Variants in SHANK1 observed in about 807,000 individuals in gnomAD.
The protein encoded by SHANK1 is SH3 and multiple ankyrin repeat domains 1, also known as SH3 and multiple ankyrin repeat domains protein 1.
Under a neutral mutation model 165.6 loss-of-function variants are expected in SHANK1, and 35 were observed. The observed-to-expected ratio is 0.21, with a 90% CI of 0.16 to 0.28. The LOEUF is 0.28. Among genes scored for constraint, SHANK1 ranks in the 10% least tolerant of loss-of-function variants. The pLI is 1.00. For missense variants in SHANK1, 2,681 were observed against 3,036.4 expected, an observed-to-expected ratio of 0.88 and a Z score of 2.75; for synonymous variants, 1,428 against 1,384.8, an observed-to-expected ratio of 1.03 and a Z score of -0.69.
intron 8 of SHANK1, among the ~76,000 whole-genome samples, chr19:50,709,668 G>C (rs1337153677): frequency 6.6e-6 from 1 of 152,102 alleles, no homozygotes; most frequent in East Asian, 1.9e-4. Context: ...TTCTGCCTCA[G>C]CTGCCCGAGC....
rs1255714049 is a variant in SHANK1, at chr19:50,719,623, C to G, written c.-261G>C. 6.7e-6 allele frequency among the ~76,000 whole-genome samples: 1 copy of G among 148,582 alleles called. No individual in the cohort carries two copies. The highest frequency in any genetic ancestry group is 2.5e-5 in the African/African-American group (1 of 40,670). ...GGGCCGGGCCTGGCCATCCGCAGAGCGCCCCCCCTTCCGCCGCGGCCGCCG... is the reference window on the plus strand; with the variant it reads ...GGGCCGGGCCTGGCCATCCGCAGAGGGCCCCCCCTTCCGCCGCGGCCGCCG... On this transcript the variant is annotated 5_prime_UTR_variant, in exon 1 of 24. Transcript: ENST00000293441.
intron 15 of SHANK1, among the ~76,000 whole-genome samples, chr19:50,694,643 A>G (rs2123151645): frequency 9.8e-6 from 1 of 101,646 alleles, no homozygotes; most frequent in South Asian, 3.6e-4. Flanking sequence ...AAAGATTCCC[A>G]GGGCTGACGA....
Position 50,703,841 on chromosome 19 carries a change from A to G in SHANK1, c.1223-11T>C. 7.3e-7 allele frequency: 1 copy of G among 1,373,442 alleles called. No individual in the cohort carries two copies. Among genetic ancestry groups the G allele is most frequent in the Non-Finnish European group, 9.6e-7 (1 of 1,044,662 alleles). 85.1% of individuals were successfully genotyped at this position (1,373,442 alleles called of 1,614,324 possible). A position where few individuals can be genotyped will look rare whatever the true frequency, so the allele number is the denominator to read the frequency against. On this transcript the variant is annotated splice_polypyrimidine_tract_variant and intron_variant, in intron 10 of 23. Transcript: ENST00000293441. ...ACTCCTGGAAGGGCACTGAGAGGGC[A>G]CAGTGGCGGCGGGGGGCAGATGTTA...
At chr19:50,684,370 C>T (rs185088854) in intron 21 of SHANK1, among the ~76,000 whole-genome samples, 1 of 152,128 alleles carries the variant, frequency 6.6e-6, no homozygotes, top group Non-Finnish European at 1.5e-5. Context: ...GGATTACAGG[C>T]ACATGCCACC....
At chr19:50,708,400 G>A (rs1021772770) in intron 8 of SHANK1, among the ~76,000 whole-genome samples, 1 of 152,042 alleles carries the variant, frequency 6.6e-6, no homozygotes, top group Non-Finnish European at 1.5e-5. Flanking sequence ...AGAGAAACTC[G>A]CATTTAACGG....
At chr19:50,669,952 G>A (rs1306220965) in intron 22 of SHANK1, among the ~76,000 whole-genome samples, 1 of 152,086 alleles carries the variant, frequency 6.6e-6, no homozygotes, top group Non-Finnish European at 1.5e-5. Flanking sequence ...GCCAAGGCTC[G>A]GTCTTTGAAC....
rs923499632 is a variant in SHANK1, at chr19:50,660,709, G to T, written c.*1256C>A. On this transcript the variant is annotated 3_prime_UTR_variant, in exon 24 of 24. Transcript: ENST00000293441. ...AGGGGAGAAACAAGGCTTCCGGAGA[G>T]CACTGAAAATGCTGGGGGGGGGGGC... is the stretch of plus-strand genomic sequence containing the variant. Among the ~76,000 whole-genome samples the T allele has an allele frequency of 8.4e-6, 1 of 119,276 alleles. No homozygotes were observed. The highest frequency in any genetic ancestry group is 3.2e-4 in the South Asian group (1 of 3,086). 78.2% of individuals were successfully genotyped at this position (119,276 alleles called of 152,430 possible).
chr19:50,688,789 G>T lies in SHANK1; in HGVS notation c.2172+55C>A. The T allele has an allele frequency of 6.4e-7, 1 of 1,563,022 alleles. No homozygotes were observed. The highest frequency in any genetic ancestry group is 2.3e-5 in the East Asian group (1 of 43,630). ...AGCCAGATCCTGGTGTGAATCATGA[G>T]GGGGTCTGGGAACTTGTCACAGGGT... On this transcript the variant is annotated intron_variant, in intron 17 of 23. Transcript: ENST00000293441. The surrounding 1 kb of genome is among the most constrained non-coding windows in gnomAD (Gnocchi z 6.7).
intron 15 of SHANK1, among the ~76,000 whole-genome samples, chr19:50,691,065 G>GT (rs1986523468): frequency 6.6e-6 from 1 of 152,002 alleles, no homozygotes; most frequent in Non-Finnish European, 1.5e-5. Flanking sequence ...CTCAAAGTTC[G>GT]TAACAGTCCA....
At chr19:50,671,133 CCAG>C (rs1336018638) in intron 22 of SHANK1, among the ~76,000 whole-genome samples, 1 of 150,496 alleles carries the variant, frequency 6.6e-6, no homozygotes, top group African/African-American at 2.4e-5. Flanking sequence ...TGCCCCCTAC[CCAG>C]CACTCCCTAT....
chr19:50,686,770 T>G lies in SHANK1; in HGVS notation c.2432A>C (p.Lys811Thr). The change falls in exon 20 of 24, where the codon AAG becomes ACG. Residue 811 changes from lysine (K) to threonine (T), a missense_variant. By Grantham distance (78) the Lys-to-Thr change is moderately conservative. This residue lies in a region of SHANK1 where 206 missense variants were observed against 216.0 expected (regional missense o/e 0.95). Transcript: ENST00000293441. The surrounding 1 kb of genome is among the most constrained non-coding windows in gnomAD (Gnocchi z 5.7). ...QPAPVPSMEK[K>T]RTVYQMALNK... ...GAGAGCCATCTGATACACGGTCCGC[T>G]TTTTCTCCATGCTGGGCACCGGCGC... 6.2e-7 allele frequency: 1 copy of G among 1,613,594 alleles called. No homozygotes were observed. The highest frequency in any genetic ancestry group is 8.5e-7 in the Non-Finnish European group (1 of 1,179,734).
intron 21 of SHANK1, among the ~76,000 whole-genome samples, chr19:50,685,000 A>T (rs1329957806): frequency 6.6e-6 from 1 of 152,248 alleles, no homozygotes; most frequent in Non-Finnish European, 1.5e-5. Flanking sequence ...GCAGCCTGCC[A>T]AAGAGATCCA....
intron 8 of SHANK1, among the ~76,000 whole-genome samples, chr19:50,708,506 G>A (rs1429396200): frequency 1.6e-5 from 1 of 62,662 alleles, no homozygotes; most frequent in Non-Finnish European, 3.2e-5. Flanking sequence ...CCCCGCCCTC[G>A]CCCTCCCCAG....
intron 21 of SHANK1, among the ~76,000 whole-genome samples, chr19:50,679,100 T>G (rs1420815822): frequency 1.3e-4 from 4 of 30,616 alleles, no homozygotes; most frequent in Admixed American, 4.6e-4. Flanking sequence ...TGGGGAGGGG[T>G]CAGGGTGTGG....
At chr19:50,685,474 G>C (rs148995167) in intron 21 of SHANK1, among the ~76,000 whole-genome samples, 1 of 152,094 alleles carries the variant, frequency 6.6e-6, no homozygotes, top group Non-Finnish European at 1.5e-5. Flanking sequence ...CTGTAATCCC[G>C]GCACTTTGGA....
chr19:50,664,839 C>T (rs949786202), intron 23 of SHANK1, among the ~76,000 whole-genome samples: 6 of 152,186 alleles, frequency 3.9e-5, no homozygotes, highest in East Asian at 1.9e-4. Context: ...ACTGCAACCT[C>T]GGCCTCCCGG....
intron 8 of SHANK1, among the ~76,000 whole-genome samples, chr19:50,710,694 G>C (rs2088996944): frequency 6.6e-6 from 1 of 152,148 alleles, no homozygotes; most frequent in African/African-American, 2.4e-5. Flanking sequence ...AGGGACCCAG[G>C]TTGTCAGGAC....
intron 21 of SHANK1, among the ~76,000 whole-genome samples, chr19:50,674,938 T>C (rs558661560): frequency 6.6e-6 from 1 of 152,012 alleles, no homozygotes; most frequent in East Asian, 1.9e-4. Context: ...GGCATGTACC[T>C]GTCATCCCAG....
chr19:50,704,555 A>G, intron 8 of SHANK1, 41 bp from the exon 9 acceptor site: 1 of 1,568,858 alleles, frequency 6.4e-7, no homozygotes, highest in Non-Finnish European at 8.8e-7. Context: ...AGAGAGAGAG[A>G]AAAAATTAAG....
Sources: gnomAD v4.1 joint callset for allele counts (sites outside exome capture counted in the v4.1 genomes callset) on GRCh38, gnomAD v4.1.1 for gene constraint, gnomAD v4.1.1 regional missense constraint, Gnocchi (gnomAD v3.1) non-coding constraint, MANE v1.5 for transcripts, NCBI Gene and HGNC (gene_info 2026-07-23, HGNC 2026-07-21) for gene names.